The following ANXA7 variants were observed in gnomAD, a reference collection of about 807,000 sequenced individuals.
ANXA7 encodes annexin VII.
A neutral mutation model predicts 64.9 loss-of-function variants in ANXA7; 55 were observed. The observed-to-expected ratio is 0.85, with a 90% CI of 0.68 to 1.06. The LOEUF is 1.06. ANXA7 is among the 50% of genes least tolerant of loss of function. ANXA7 has a pLI of 0.00. For synonymous variants in ANXA7, 200 were observed against 192.4 expected, an observed-to-expected ratio of 1.04 and a Z score of -0.33; for missense variants, 548 against 582.1, an observed-to-expected ratio of 0.94 and a Z score of 0.60.
intron 12 of ANXA7, 80 bp from the exon 13 acceptor site, chr10:73,376,297 T>A: frequency 7.5e-7 from 1 of 1,336,768 alleles, no homozygotes; most frequent in Non-Finnish European, 9.9e-7. Flanking sequence ...AATAATAAGA[T>A]CTTAATAATA....
chr10:73,383,523 G>A, intron 8 of ANXA7, 54 bp downstream of exon 8: 2 of 1,434,782 alleles, frequency 1.4e-6, no homozygotes, highest in Non-Finnish European at 1.9e-6. Context: ...AATTTGTACG[G>A]TTTTACATAT....
chr10:73,400,015 C>T (rs1015833300), intron 2 of ANXA7, among the ~76,000 whole-genome samples: 6 of 150,888 alleles, frequency 4.0e-5, no homozygotes, highest in Non-Finnish European at 8.9e-5. Context: ...CAGTGGCGGG[C>T]ACCTGAAATC....
chr10:73,394,758 T>C (rs1374839896), intron 5 of ANXA7, among the ~76,000 whole-genome samples: 1 of 152,122 alleles, frequency 6.6e-6, no homozygotes, highest in African/African-American at 2.4e-5. Flanking sequence ...ACACCTAATA[T>C]AAATGACGAG....
intron 5 of ANXA7, among the ~76,000 whole-genome samples, chr10:73,391,076 G>C (rs2055473841): frequency 6.6e-6 from 1 of 151,618 alleles, no homozygotes; most frequent in Non-Finnish European, 1.5e-5. Context: ...GCTGAGGCAG[G>C]AGAATCACTT....
intron 12 of ANXA7, among the ~76,000 whole-genome samples, chr10:73,378,377 CAAAAAA>C (rs755093944): frequency 0.06 from 3,799 of 63,126 alleles, 115 homozygotes; most frequent in African/African-American, 0.16. Context: ...GACCATGTCT[CAAAAAA>C]AAAAAAAAAA....
In ANXA7 at chr10:73,375,424, C is replaced by T. The variant is rs897967804; in HGVS notation, c.*671G>A. 2 of 152,122 alleles carry T rather than the reference C, an allele frequency of 1.3e-5. No homozygotes were observed. The highest frequency in any genetic ancestry group is 4.8e-5 in the African/African-American group (2 of 41,412). The allele number at this position is 152,122 out of a possible 1,614,324, so 9.4% of individuals were successfully genotyped here. On this transcript the variant is annotated 3_prime_UTR_variant, in exon 13 of 13. Coordinates refer to ENST00000372921, the MANE Select transcript of ANXA7 (RefSeq NM_001156.5). ...TACACAAGGAATGCTGATATCAAAA[C>T]ACCATATTGTACACCTTAAATATAT...
chr10:73,377,773 G>GGGGGGGGTGTGT (rs1554815379), intron 12 of ANXA7, among the ~76,000 whole-genome samples: 11 of 124,840 alleles, frequency 8.8e-5, no homozygotes, highest in Non-Finnish European at 1.2e-4. Flanking sequence ...GGTGGGTGTG[G>GGGGGGGGTGTGT]GTGTGTGTGT....
chr10:73,413,629 G>C lies in ANXA7; in HGVS notation c.-2+383C>G, dbSNP rs553718083. ...TTTCCCTAAATTCGCTGTGTCACCG[G>C]AAAGTACAGCCACTACCAGCCAGAC... On this transcript the variant is annotated intron_variant, in intron 1 of 12. Transcript: ENST00000372921. Among the ~76,000 whole-genome samples the C allele has an allele frequency of 3.6e-3, 543 of 152,340 alleles. 1 individual carries two copies. The highest frequency in any genetic ancestry group is 5.6e-3 in the Non-Finnish European group (383 of 68,038).
In ANXA7 at chr10:73,375,974, C is replaced by A. The variant is rs772087439; in HGVS notation, c.*121G>T. ...GCAAACCAAGCACATTACCCTGATACGGTCCTTGACAGAAAGCTCTTTCGG... is the reference window on the plus strand; with the variant it reads ...GCAAACCAAGCACATTACCCTGATAAGGTCCTTGACAGAAAGCTCTTTCGG... On this transcript the variant is annotated 3_prime_UTR_variant, in exon 13 of 13. Transcript: ENST00000372921. The A allele has an allele frequency of 2.6e-6, 2 of 780,374 alleles. No individual in the cohort carries two copies. The highest frequency in any genetic ancestry group is 3.6e-5 in the African/African-American group (2 of 56,246). 48.3% of individuals were successfully genotyped at this position (780,374 alleles called of 1,614,324 possible). A position where few individuals can be genotyped will look rare whatever the true frequency, so the allele number is the denominator to read the frequency against.
intron 9 of ANXA7, among the ~76,000 whole-genome samples, chr10:73,380,674 T>C (rs2055261623): frequency 6.6e-6 from 1 of 152,214 alleles, no homozygotes; most frequent in African/African-American, 2.4e-5. Context: ...TACTGTCAAC[T>C]GGATTTTATA....
Position 73,376,168 on chromosome 10 carries a change from G to A in ANXA7, c.1328C>T (p.Thr443Ile), listed in dbSNP as rs139058932. ...KQMFAQMYQKTLGTMIAGDTS... is the reference protein window; with the variant it reads ...KQMFAQMYQKILGTMIAGDTS... The stretch of plus-strand genomic sequence containing the variant: ...GTCACCTGCAATCATTGTGCCCAGA[G>A]TCTTCTGATACATCTGAGCGAACAT... The change falls in exon 13 of 13, where the codon ACT (threonine) becomes ATT (isoleucine). Residue 443 changes from threonine to isoleucine, a missense_variant. By Grantham distance (89) the Thr-to-Ile change is moderately conservative (BLOSUM62 -1). Transcript: ENST00000372921. The A allele has an allele frequency of 6.2e-7, 1 of 1,606,932 alleles. No homozygotes were observed. Among genetic ancestry groups the A allele is most frequent in the African/African-American group, 1.3e-5 (1 of 74,572 alleles).
At position 73,376,114 on chromosome 10, in the gene ANXA7, A is replaced by G; in HGVS notation, c.1382T>C (p.Leu461Pro). The G allele has an allele frequency of 6.3e-7, 1 of 1,596,846 alleles. No individual in the cohort carries two copies. Among genetic ancestry groups the G allele is most frequent in the Non-Finnish European group, 8.5e-7 (1 of 1,173,726 alleles). ...TCCCTCCTACTGGCCCACAATAGCC[A>G]GAAGAAGTCTTCGGTAATCTCCACT... ...DTSGDYRRLL[L>P]AIVGQ is the part of the protein sequence containing the mutation. The change falls in exon 13 of 13, where the codon CTG (leucine) becomes CCG (proline). Residue 461 changes from leucine to proline, a missense_variant. Leu to Pro is a moderately conservative substitution (Grantham distance 98). Transcript: ENST00000372921.
At chr10:73,393,823 C>G (rs1166868004) in intron 5 of ANXA7, among the ~76,000 whole-genome samples, 1 of 152,078 alleles carries the variant, frequency 6.6e-6, no homozygotes, top group Non-Finnish European at 1.5e-5. Flanking sequence ...TCTAAAACAC[C>G]AAAAGCAATG....
intron 5 of ANXA7, among the ~76,000 whole-genome samples, chr10:73,391,033 T>C (rs1001763885): frequency 6.6e-6 from 1 of 151,706 alleles, no homozygotes; most frequent in African/African-American, 2.4e-5. Context: ...CTGGGCGTGG[T>C]GGTGCGCACC....
In ANXA7 at chr10:73,380,194, C is replaced by T. The variant is rs10159690; in HGVS notation, c.926G>A (p.Arg309His). Residue 309 changes from arginine (R) to histidine (H), a missense_variant, in exon 10 of 13, where the codon CGT (arginine) becomes CAT (histidine). Coordinates refer to ENST00000372921, the MANE Select transcript of ANXA7 (RefSeq NM_001156.5). ...GTGGTTTATACTCTGGTTCTCATCA[C>T]GATTTCCCTGCAAAAGAGAAAGGCA... ...RLLVSMCQGN[R>H]DENQSINHQM... 129 of 1,600,152 alleles carry T rather than the reference C, an allele frequency of 8.1e-5. No individual in the cohort carries two copies. The highest frequency in any genetic ancestry group is 1.0e-4 in the Non-Finnish European group (118 of 1,176,582).
chr10:73,385,832 G>C (rs1420869241), intron 7 of ANXA7, among the ~76,000 whole-genome samples: 1 of 152,078 alleles, frequency 6.6e-6, no homozygotes, highest in South Asian at 2.1e-4. Flanking sequence ...AATAAGCAAG[G>C]TGGGACCAAT....
Position 73,378,891 on chromosome 10 carries a change from AAG to A in ANXA7, c.1278+18_1278+19del, listed in dbSNP as rs771272187. On this transcript the variant is annotated intron_variant, in intron 12 of 12. Coordinates refer to ENST00000372921, the MANE Select transcript of ANXA7 (RefSeq NM_001156.5). ...TGAACATCAAGTAAGACCCGACAAA[AAG>A]AGAGAGGCCTGCCTCACCTCACTTC... is the stretch of plus-strand genomic sequence containing the variant. 1.1e-5 allele frequency: 17 copies of A among 1,582,000 alleles called. No individual in the cohort carries two copies. The South Asian group carries it at 1.4e-4, about 13-fold the overall frequency.
In ANXA7 at chr10:73,396,578, A is replaced by G. The variant is rs1330461132; in HGVS notation, c.376T>C (p.Phe126Leu). The change falls in exon 5 of 13, where the codon TTT becomes CTT. Residue 126 changes from phenylalanine to leucine, a missense_variant. Coordinates refer to ENST00000372921, the MANE Select transcript of ANXA7 (RefSeq NM_001156.5). ...GPAQVPLPGG[F>L]PGGQMPSQYP... is the part of the protein sequence containing the mutation. ...TGAGAAGGCATCTGTCCTCCAGGAA[A>G]GCCACCTATAATGTTAAAAAAAATA... is the stretch of plus-strand genomic sequence containing the variant. 6.2e-7 allele frequency: 1 copy of G among 1,605,866 alleles called. No individual in the cohort carries two copies. Among genetic ancestry groups the G allele is most frequent in the Non-Finnish European group, 8.5e-7 (1 of 1,174,510 alleles).
chr10:73,401,004 C>A (rs1422321815), intron 1 of ANXA7, 147 bp from the exon 2 acceptor site: 6 of 476,738 alleles, frequency 1.3e-5, no homozygotes, highest in African/African-American at 2.1e-5. Flanking sequence ...CCTCCGGGTT[C>A]AAGCGATTCT....
Sources: gnomAD v4.1 joint callset for allele counts (sites outside exome capture counted in the v4.1 genomes callset) on GRCh38, gnomAD v4.1.1 for gene constraint, MANE v1.5 for transcripts, NCBI Gene and HGNC (gene_info 2026-07-23, HGNC 2026-07-21) for gene names.